CPNE9: variants seen among roughly 807,000 people sequenced by gnomAD.
CPNE9 encodes the protein copine-9.
A neutral mutation model predicts 83.0 loss-of-function variants in CPNE9; 59 were observed. The observed-to-expected ratio is 0.71, with a 90% CI of 0.58 to 0.88. The LOEUF is 0.88. CPNE9 is among the 40% of genes least tolerant of loss of function. The pLI is 0.00. For synonymous variants in CPNE9, 256 were observed against 273.4 expected, an observed-to-expected ratio of 0.94 and a Z score of 0.63; for missense variants, 619 against 720.8, an observed-to-expected ratio of 0.86 and a Z score of 1.62.
chr3:9,729,263 A>G (rs2076809207), intron 20 of CPNE9, among the ~76,000 whole-genome samples: 1 of 152,214 alleles, frequency 6.6e-6, no homozygotes, highest in Non-Finnish European at 1.5e-5. Context: ...CACTGACGAC[A>G]TCAGCAAAAG....
intron 11 of CPNE9, 107 bp from the exon 12 acceptor site, chr3:9,715,182 C>A: frequency 7.8e-7 from 1 of 1,275,128 alleles, no homozygotes; most frequent in Non-Finnish European, 1.1e-6. Flanking sequence ...CACTAGGCTG[C>A]CCTGCAGCCT....
rs1179002690 is a variant in CPNE9, at chr3:9,709,318, AAG to A, written c.378-3219_378-3218del. 2.7e-5 allele frequency among the ~76,000 whole-genome samples: 4 copies of A among 150,062 alleles called. No homozygotes were observed. In the East Asian group the frequency reaches 8.0e-4, roughly 30 times the overall value. On this transcript the variant is annotated intron_variant, in intron 7 of 20. Transcript: ENST00000383832. ...GAAAAAAGAAAGAAAAGAAAAGAAA[AAG>A]AGATGTGGCTGAAGCAGGAAGAGAG...
rs773464895 is a variant in CPNE9, at chr3:9,715,341, C to T, written c.745C>T (p.Gln249Ter). The part of the protein sequence containing the change: ...TTSYRELSKA[Q>*]NQFTVYEVLN... ...CAGCTACCGGGAGCTGAGCAAGGCC[C>T]AGAACCAGTTCACAGTATATGAGGT... The change falls in exon 12 of 21, where the codon CAG becomes TAG. Residue 249 changes from glutamine (Q) to a stop codon, truncating the protein, a stop_gained. Transcript: ENST00000383832. LOFTEE classifies it high-confidence loss of function. 2.3e-5 allele frequency: 37 copies of T among 1,614,092 alleles called. No individual in the cohort carries two copies. Among genetic ancestry groups the T allele is most frequent in the Non-Finnish European group, 1.4e-5 (16 of 1,180,032 alleles).
At chr3:9,711,238 T>C (rs2076623953) in intron 7 of CPNE9, among the ~76,000 whole-genome samples, 1 of 152,204 alleles carries the variant, frequency 6.6e-6, no homozygotes, top group African/African-American at 2.4e-5. Flanking sequence ...AGTCTTACTC[T>C]GTCACCCAGG....
At position 9,712,569 on chromosome 3, in the gene CPNE9, A is replaced by G. The variant is rs774033191; in HGVS notation, c.406A>G (p.Ile136Val). 2 of 1,614,154 alleles carry G rather than the reference A, an allele frequency of 1.2e-6. No homozygotes were observed. The highest frequency in any genetic ancestry group is 1.1e-5 in the South Asian group (1 of 91,082). The change falls in exon 8 of 21, where the codon ATA becomes GTA. Residue 136 changes from isoleucine (I) to valine (V), a missense_variant. Ile to Val is a conservative substitution (Grantham distance 29). Coordinates refer to ENST00000383832, the MANE Select transcript of CPNE9 (RefSeq NM_153635.3). ...TGVPGKKCGT[I>V]LLTAEELSNC... The stretch of plus-strand genomic sequence containing the variant: ...TGTACCAGGCAAGAAGTGTGGGACC[A>G]TATTGCTGACTGCAGAAGAGCTTAG...
At chr3:9,709,666 C>T (rs955223758) in intron 7 of CPNE9, among the ~76,000 whole-genome samples, 1 of 151,868 alleles carries the variant, frequency 6.6e-6, no homozygotes, top group Non-Finnish European at 1.5e-5. Flanking sequence ...CCACGCCTAG[C>T]CAAGTTTATA....
rs747849318 is a variant in CPNE9 at position 9,718,009 on chromosome 3, G to A, written c.932-20G>A. The A allele has an allele frequency of 1.9e-6, 3 of 1,582,342 alleles. No homozygotes were observed. Among genetic ancestry groups the A allele is most frequent in the East Asian group, 2.2e-5 (1 of 44,446 alleles). ...GATGATCCAGATGATCATGAGGCTG[G>A]GGTTCCTGTGTCCCTACAGGGAATC... On this transcript the variant is annotated intron_variant, in intron 15 of 20. Coordinates refer to ENST00000383832, the MANE Select transcript of CPNE9 (RefSeq NM_153635.3).
At chr3:9,729,283 T>C (rs1364433642) in intron 20 of CPNE9, among the ~76,000 whole-genome samples, 2 of 152,130 alleles carry the variant, frequency 1.3e-5, no homozygotes, top group African/African-American at 4.8e-5. Context: ...GCAGTTTCAA[T>C]GGCCTGTGTG....
intron 15 of CPNE9, 93 bp downstream of exon 15, chr3:9,717,197 GT>G: frequency 7.3e-7 from 1 of 1,378,392 alleles, no homozygotes; most frequent in Non-Finnish European, 1.0e-6. Flanking sequence ...AGAGATAAGA[GT>G]TTACCTACCC....
chr3:9,715,347 C>A lies in CPNE9; in HGVS notation c.751C>A (p.Gln251Lys). 1 of 1,614,228 alleles carries A rather than the reference C, an allele frequency of 6.2e-7. No individual in the cohort carries two copies. The highest frequency in any genetic ancestry group is 8.5e-7 in the Non-Finnish European group (1 of 1,180,038). The change falls in exon 12 of 21, where the codon CAG (glutamine) becomes AAG (lysine). Residue 251 changes from glutamine (Q) to lysine (K), a missense_variant. Transcript: ENST00000383832. ...CCGGGAGCTGAGCAAGGCCCAGAAC[C>A]AGTTCACAGTATATGAGGTGAGCAT... ...SYRELSKAQN[Q>K]FTVYEVLNPR...
At chr3:9,712,867 C>T in intron 9 of CPNE9, 39 bp downstream of exon 9, 1 of 1,584,224 alleles carries the variant, frequency 6.3e-7, no homozygotes, top group Non-Finnish European at 8.7e-7. Flanking sequence ...CTGGGGTGGG[C>T]CATGTGCTTA....
chr3:9,729,061 G>A (rs62245631), intron 20 of CPNE9, among the ~76,000 whole-genome samples: 6,423 of 152,270 alleles, frequency 0.042, 160 homozygotes, highest in Non-Finnish European at 0.058. Flanking sequence ...TTAGAGAGCA[G>A]ATAGACCCAG....
At chr3:9,719,458 C>A (rs1188677859) in intron 17 of CPNE9, among the ~76,000 whole-genome samples, 1 of 152,166 alleles carries the variant, frequency 6.6e-6, no homozygotes, top group East Asian at 1.9e-4. Context: ...TGAGTGGGAT[C>A]CTTCCTCCAC....
At chr3:9,705,403 A>G in intron 4 of CPNE9, 61 bp from the exon 5 acceptor site, 3 of 1,031,782 alleles carry the variant, frequency 2.9e-6, no homozygotes, top group Non-Finnish European at 4.4e-6. Flanking sequence ...TCGGTGCCCG[A>G]CCCCTTTCCA....
At chr3:9,725,897 T>A in intron 17 of CPNE9, 52 bp from the exon 18 acceptor site, 1 of 1,379,980 alleles carries the variant, frequency 7.2e-7, no homozygotes, top group Admixed American at 1.7e-5. Context: ...GGTAAGGTGT[T>A]CCCTTGGCCT....
chr3:9,726,525 T>G (rs2076786356), intron 18 of CPNE9, 140 bp from the exon 19 acceptor site: 2 of 668,364 alleles, frequency 3.0e-6, no homozygotes, highest in Non-Finnish European at 2.7e-6. Context: ...GAAAAAGTAG[T>G]CTGGGGCAGA....
chr3:9,715,396 G>C lies in CPNE9; in HGVS notation c.768+32G>C, dbSNP rs768031438. 39 of 1,613,422 alleles carry C rather than the reference G, an allele frequency of 2.4e-5. No homozygotes were observed. In the East Asian group the frequency reaches 8.5e-4, roughly 35 times the overall value. On this transcript the variant is annotated intron_variant, in intron 12 of 20. Coordinates refer to ENST00000383832, the MANE Select transcript of CPNE9 (RefSeq NM_153635.3). ...ATTCCAGCCCTGCCCAGGTCACCCA[G>C]GCCCTCCATCCCAGTGTGCTCAGTC...
chr3:9,716,910 AGTTT>A, intron 14 of CPNE9, 144 bp from the exon 15 acceptor site: 1 of 757,436 alleles, frequency 1.3e-6, no homozygotes, highest in Non-Finnish European at 2.2e-6. Context: ...ATTACTTGGG[AGTTT>A]GTTAGGCTCT....
intron 17 of CPNE9, among the ~76,000 whole-genome samples, chr3:9,725,650 A>C (rs141690744): frequency 0.026 from 2,990 of 115,812 alleles, 56 homozygotes; most frequent in Non-Finnish European, 0.03. Flanking sequence ...GTATGTGTAT[A>C]TATGTGTATA....
Sources: gnomAD v4.1 joint callset for allele counts (sites outside exome capture counted in the v4.1 genomes callset) on GRCh38, gnomAD v4.1.1 for gene constraint, MANE v1.5 for transcripts, NCBI Gene and HGNC (gene_info 2026-07-23, HGNC 2026-07-21) for gene names.